Variants in MGAT4B observed in about 807,000 individuals in gnomAD.
The protein encoded by MGAT4B is N-acetylglucosaminyltransferase IVb.
In MGAT4B, 38 loss-of-function variants were observed where a neutral mutation model predicts 73.9. The observed-to-expected ratio is 0.51, with a 90% CI of 0.40 to 0.67. MGAT4B has a LOEUF of 0.67. Ranked by LOEUF, MGAT4B falls within the 30% of genes least tolerant of loss-of-function variation. MGAT4B has a pLI of 0.00. For missense variants in MGAT4B, 686 were observed against 735.2 expected (o/e 0.93, Z 0.77); for synonymous variants, 373 against 313.5 (o/e 1.19, Z -2.01).
rs777022372 is a variant in MGAT4B at position 179,802,010 on chromosome 5, AGCC to A, written c.98-44_98-42del. 3.7e-6 allele frequency: 6 copies of A among 1,613,192 alleles called. No homozygotes were observed. In the Admixed American group the frequency reaches 1.0e-4, roughly 27 times the overall value. ...AAGCCGTCACGAGGGGGCGGTCTAG[AGCC>A]ACCCTACGGGCCCCTCCAGTGTGCC... On this transcript the variant is annotated intron_variant, in intron 1 of 14. Transcript: ENST00000292591.
Position 179,801,974 on chromosome 5 carries a change from A to T in MGAT4B, c.98-5T>A. ...GGTAAACGTCCACAACGTCGCCTGC[A>T]GGTGGTAGGCAAGCCGTCACGAGGG... On this transcript the variant is annotated splice_region_variant and splice_polypyrimidine_tract_variant and intron_variant, in intron 1 of 14. Transcript: ENST00000292591. The surrounding 1 kb of genome is among the most constrained non-coding windows in gnomAD (Gnocchi z 4.8). 6.2e-7 allele frequency: 1 copy of T among 1,613,352 alleles called. No homozygotes were observed. Among genetic ancestry groups the T allele is most frequent in the Non-Finnish European group, 8.5e-7 (1 of 1,179,970 alleles).
chr5:179,801,959 C>T lies in MGAT4B; in HGVS notation c.108G>A (p.Val36=). Residue 36 remains valine, a synonymous_variant, in exon 2 of 15, where the codon GTG becomes GTA. Transcript: ENST00000292591. The surrounding 1 kb of genome is among the most constrained non-coding windows in gnomAD (Gnocchi z 4.8). ...AALSGQKGDV[V]DVYQREFLAL... ...CCAGGAACTCCCGCTGGTAAACGTC[C>T]ACAACGTCGCCTGCAGGTGGTAGGC... 2 of 1,613,398 alleles carry T rather than the reference C, an allele frequency of 1.2e-6. No homozygotes were observed. The highest frequency in any genetic ancestry group is 1.7e-6 in the Non-Finnish European group (2 of 1,180,026).
Position 179,798,361 on chromosome 5 carries a change from C to T in MGAT4B, c.1496G>A (p.Gly499Asp). ...ATLRYPRSPD[G>D]YLQIGSFYKG... ...ACCCTACCCACCGATCTGGAGGTAGCCGTCGGGGCTCCGAGGGTACCGGAG... is the reference window on the plus strand; with the variant it reads ...ACCCTACCCACCGATCTGGAGGTAGTCGTCGGGGCTCCGAGGGTACCGGAG... Residue 499 changes from glycine to aspartate, a missense_variant, in exon 13 of 15, where the codon GGC (glycine) becomes GAC (aspartate). Transcript: ENST00000292591. 1.2e-6 allele frequency: 2 copies of T among 1,613,050 alleles called. No homozygotes were observed. Among genetic ancestry groups the T allele is most frequent in the South Asian group, 1.1e-5 (1 of 91,072 alleles).
Position 179,799,139 on chromosome 5 carries a change from C to G in MGAT4B, c.1150-18G>C. The stretch of plus-strand genomic sequence containing the variant: ...TCTTTGTCCTGCAGCGGAGGAGGGA[C>G]AGCAGTGATGGCGTGGGCCCCGACC... On this transcript the variant is annotated intron_variant, in intron 10 of 14. Transcript: ENST00000292591. 1 of 1,613,952 alleles carries G rather than the reference C, an allele frequency of 6.2e-7. No individual in the cohort carries two copies. Among genetic ancestry groups the G allele is most frequent in the South Asian group, 1.1e-5 (1 of 91,090 alleles).
rs771769038 is a variant in MGAT4B, at chr5:179,801,622, A to C, written c.356T>G (p.Leu119Arg). The change falls in exon 3 of 15, where the codon CTG becomes CGG. Residue 119 changes from leucine to arginine, a missense_variant. Around this residue, in one of 2 missense-constraint regions of MGAT4B, gnomAD observed 237 missense variants for 198.5 expected, o/e 1.19. Coordinates refer to ENST00000292591, the MANE Select transcript of MGAT4B (RefSeq NM_014275.5). This position sits in a 1 kb window ranked among gnomAD's most constrained non-coding sequence, Gnocchi z 4.8. Reference protein sequence around the residue: ...VLHLPTVFHHLPHLLAKESSL... With the variant: ...VLHLPTVFHHRPHLLAKESSL... ...GCTCTCCTTGGCCAGCAGGTGTGGC[A>C]GGTGATGGAAGACGGTGGGCAGGTG... 1 of 1,606,700 alleles carries C rather than the reference A, an allele frequency of 6.2e-7. No homozygotes were observed. Among genetic ancestry groups the C allele is most frequent in the Non-Finnish European group, 8.5e-7 (1 of 1,178,034 alleles).
chr5:179,800,154 G>GGCAGGGCGGCGCAGGGCAA, intron 7 of MGAT4B, 30 bp downstream of exon 7: 3 of 1,612,998 alleles, frequency 1.9e-6, no homozygotes, highest in Non-Finnish European at 2.5e-6. Context: ...GCGCAGGGCA[G>GGCAGGGCGGCGCAGGGCAA]GGCAGGGCAA....
chr5:179,799,404 C>T, intron 9 of MGAT4B, 94 bp from the exon 10 acceptor site: 1 of 1,604,420 alleles, frequency 6.2e-7, no homozygotes, highest in Admixed American at 1.7e-5. Flanking sequence ...CCACAGCTGA[C>T]AGTGCTCTAT....
intron 12 of MGAT4B, 22 bp from the exon 13 acceptor site, chr5:179,798,456 G>A: frequency 6.2e-7 from 1 of 1,613,034 alleles, no homozygotes; most frequent in Non-Finnish European, 8.5e-7. Context: ...ATCAAGGGCT[G>A]AGGCAGGTGG....
chr5:179,799,444 T>C (rs1309399447), intron 9 of MGAT4B, 62 bp downstream of exon 9: 8 of 1,610,956 alleles, frequency 5.0e-6, no homozygotes, highest in Non-Finnish European at 6.8e-6. Flanking sequence ...GGGACACAGT[T>C]TGGGGTGGAG....
rs1581972746 is a variant in MGAT4B at position 179,799,893 on chromosome 5, A to T, written c.910+61T>A. 11 of 1,476,002 alleles carry T rather than the reference A, an allele frequency of 7.5e-6. No individual in the cohort carries two copies. The Admixed American group carries it at 1.8e-4, about 25-fold the overall frequency. 91.4% of individuals were successfully genotyped at this position (1,476,002 alleles called of 1,614,324 possible). A position where few individuals can be genotyped will look rare whatever the true frequency, so the allele number is the denominator to read the frequency against. On this transcript the variant is annotated intron_variant, in intron 8 of 14. Coordinates refer to ENST00000292591, the MANE Select transcript of MGAT4B (RefSeq NM_014275.5). ...TCACAGTGGACACAGTGGGACTGGG[A>T]GAGAGGATGGCAGAGGCAGGTGGGA...
chr5:179,798,853 A>T, intron 11 of MGAT4B, 75 bp downstream of exon 11: 1 of 1,536,242 alleles, frequency 6.5e-7, no homozygotes, highest in East Asian at 2.3e-5. Flanking sequence ...CGTGAGGATA[A>T]CTTGCCGGTG....
Position 179,801,550 on chromosome 5 carries a change from A to G in MGAT4B, c.424+4T>C, listed in dbSNP as rs370035383. On this transcript the variant is annotated splice_donor_region_variant and intron_variant, in intron 3 of 14. Coordinates refer to ENST00000292591, the MANE Select transcript of MGAT4B (RefSeq NM_014275.5). The surrounding 1 kb of genome is among the most constrained non-coding windows in gnomAD (Gnocchi z 4.8). ...CCCGTGCTCCTCCCTGTCTGCGCCC[A>G]TACCTCCGGTGCGGCCCTGGCCCAC... 4 of 1,608,138 alleles carry G rather than the reference A, an allele frequency of 2.5e-6. No homozygotes were observed. Among genetic ancestry groups the G allele is most frequent in the Admixed American group, 3.4e-5 (2 of 59,624 alleles).
In MGAT4B at chr5:179,801,981, A is replaced by AG; in HGVS notation, c.98-13dup. The AG allele has an allele frequency of 6.2e-7, 1 of 1,613,368 alleles. No homozygotes were observed. The highest frequency in any genetic ancestry group is 1.1e-5 in the South Asian group (1 of 91,084). On this transcript the variant is annotated splice_polypyrimidine_tract_variant and intron_variant, in intron 1 of 14. Coordinates refer to ENST00000292591, the MANE Select transcript of MGAT4B (RefSeq NM_014275.5). This position sits in a 1 kb window ranked among gnomAD's most constrained non-coding sequence, Gnocchi z 4.8. ...GTCCACAACGTCGCCTGCAGGTGGT[A>AG]GGCAAGCCGTCACGAGGGGGCGGTC...
At chr5:179,804,386 C>T (rs1757057430) in intron 1 of MGAT4B, among the ~76,000 whole-genome samples, 1 of 152,214 alleles carries the variant, frequency 6.6e-6, no homozygotes, top group Non-Finnish European at 1.5e-5. Flanking sequence ...GGGAGGCGGA[C>T]AGCCTGAAGG....
At position 179,806,429 on chromosome 5, in the gene MGAT4B, G is replaced by C; in HGVS notation, c.97+58C>G. On this transcript the variant is annotated intron_variant, in intron 1 of 14. Transcript: ENST00000292591. The surrounding 1 kb of genome is among the most constrained non-coding windows in gnomAD (Gnocchi z 4.6). ...GCCTTCCGCGGCCACCGCCGGGCCC[G>C]CTCCCGCCGCCGACGCCCAGGTGCG... 2 of 1,089,690 alleles carry C rather than the reference G, an allele frequency of 1.8e-6. No homozygotes were observed. Among genetic ancestry groups the C allele is most frequent in the Non-Finnish European group, 1.1e-6 (1 of 876,988 alleles). The allele number at this position is 1,089,690 out of a possible 1,614,324, so 67.5% of individuals were successfully genotyped here. A position where few individuals can be genotyped will look rare whatever the true frequency, so the allele number is the denominator to read the frequency against.
Position 179,798,058 on chromosome 5 carries a change from T to C in MGAT4B, c.1634A>G (p.Lys545Arg), listed in dbSNP as rs1756726685. Reference sequence around the variant, plus strand: ...GAAGCCCGCAGCTTAGTCGGCCTTTTTCAGGAAGATCTGGAAGAGCCGGAC... The same window carrying C: ...GAAGCCCGCAGCTTAGTCGGCCTTTCTCAGGAAGATCTGGAAGAGCCGGAC... ...VWVILSEIFL[K>R]KAD The change falls in exon 15 of 15, where the codon AAA becomes AGA. Residue 545 changes from lysine (K) to arginine (R), a missense_variant. Lys to Arg is a conservative substitution (Grantham distance 26). Coordinates refer to ENST00000292591, the MANE Select transcript of MGAT4B (RefSeq NM_014275.5). 6.2e-7 allele frequency: 1 copy of C among 1,609,366 alleles called. No individual in the cohort carries two copies. Among genetic ancestry groups the C allele is most frequent in the African/African-American group, 1.3e-5 (1 of 74,878 alleles).
chr5:179,802,126 TA>T, intron 1 of MGAT4B, 157 bp from the exon 2 acceptor site: 1 of 1,532,186 alleles, frequency 6.5e-7, no homozygotes, highest in Admixed American at 2.0e-5. Context: ...GGGGTCACTC[TA>T]AAATTACACT....
At chr5:179,803,270 A>C in intron 1 of MGAT4B, 1 of 985,354 alleles carries the variant, frequency 1.0e-6, no homozygotes, top group South Asian at 4.7e-5. Flanking sequence ...GCTGAGGCAA[A>C]GCGGAGCCTC....
rs1271539977 is a variant in MGAT4B, at chr5:179,801,446, G to A, written c.446C>T (p.Pro149Leu). ...CGAGTGCACCTCGCGCCGCACGCTC[G>A]GGATGCCCATCACCACCGACACTAT... ...RTGVSVVMGI[P>L]SVRREVHSYL... Residue 149 changes from proline (P) to leucine (L), a missense_variant, in exon 4 of 15, where the codon CCG becomes CTG. Pro to Leu is a moderately conservative substitution (Grantham distance 98, BLOSUM62 -3). Around this residue, in one of 2 missense-constraint regions of MGAT4B, gnomAD observed 449 missense variants for 536.8 expected, o/e 0.84. Transcript: ENST00000292591. This position sits in a 1 kb window ranked among gnomAD's most constrained non-coding sequence, Gnocchi z 4.8. 5 of 1,608,150 alleles carry A rather than the reference G, an allele frequency of 3.1e-6. No homozygotes were observed. The highest frequency in any genetic ancestry group is 2.7e-5 in the African/African-American group (2 of 74,860).
Sources: gnomAD v4.1 joint callset for allele counts (sites outside exome capture counted in the v4.1 genomes callset) on GRCh38, gnomAD v4.1.1 for gene constraint, gnomAD v4.1.1 regional missense constraint, Gnocchi (gnomAD v3.1) non-coding constraint, MANE v1.5 for transcripts, NCBI Gene and HGNC (gene_info 2026-07-23, HGNC 2026-07-21) for gene names.